CTNND1: variants seen among roughly 807,000 people sequenced by gnomAD.
The protein encoded by CTNND1 is catenin delta 1.
In CTNND1, 16 loss-of-function variants were observed where a neutral mutation model predicts 112.1. The ratio of observed to expected loss-of-function variants is 0.14; its 90% CI spans 0.10 to 0.22. The LOEUF is 0.22. Ranked by LOEUF, CTNND1 falls within the 10% of genes least tolerant of loss-of-function variation. CTNND1 has a pLI of 1.00. For synonymous variants in CTNND1, 420 were observed against 446.5 expected (o/e 0.94, Z 0.75); for missense variants, 1,008 against 1,257.0 (o/e 0.80, Z 3.00).
chr11:57,764,700 A>G lies in CTNND1; in HGVS notation c.-214+2581A>G, dbSNP rs555753032. 4.6e-5 allele frequency among the ~76,000 whole-genome samples: 7 copies of G among 152,134 alleles called. No individual in the cohort carries two copies. In the South Asian group the frequency reaches 1.5e-3, roughly 32 times the overall value. ...TCAGAGAAGCTGAGGTTTGGTGAAAATCTCACTGCCTGTAAATGGTTGAGG... is the reference window on the plus strand; with the variant it reads ...TCAGAGAAGCTGAGGTTTGGTGAAAGTCTCACTGCCTGTAAATGGTTGAGG... On this transcript the variant is annotated intron_variant, in intron 1 of 20. Transcript: ENST00000399050.
At chr11:57,784,005 G>C (rs1484135830) in intron 1 of CTNND1, among the ~76,000 whole-genome samples, 1 of 151,806 alleles carries the variant, frequency 6.6e-6, no homozygotes, top group South Asian at 2.1e-4. Context: ...CTGTGGTCTG[G>C]ACCTCCTAGA....
At chr11:57,799,507 A>G (rs1397665875) in intron 6 of CTNND1, among the ~76,000 whole-genome samples, 2 of 152,204 alleles carry the variant, frequency 1.3e-5, no homozygotes, top group East Asian at 3.8e-4. Flanking sequence ...AGAGTAATAC[A>G]AGGTCAAACT....
intron 4 of CTNND1, among the ~76,000 whole-genome samples, chr11:57,794,785 CAAA>C (rs777103502): frequency 2.5e-5 from 2 of 81,184 alleles, no homozygotes; most frequent in Non-Finnish European, 2.5e-5. Context: ...AACTCTGTCT[CAAA>C]AAAAAAAAAA....
intron 2 of CTNND1, 77 bp downstream of exon 2, chr11:57,789,232 C>A: frequency 9.5e-7 from 1 of 1,053,282 alleles, no homozygotes; most frequent in South Asian, 2.0e-5. Flanking sequence ...CCTTTCATGT[C>A]ATAGCAGAAA....
chr11:57,801,638 G>A (rs2062033247), intron 6 of CTNND1, 95 bp from the exon 7 acceptor site: 3 of 1,008,432 alleles, frequency 3.0e-6, no homozygotes, highest in South Asian at 3.2e-5. Flanking sequence ...TGAAACTCCA[G>A]TTAATCCTCC....
chr11:57,783,398 G>T (rs866560685), intron 1 of CTNND1, among the ~76,000 whole-genome samples: 1 of 152,162 alleles, frequency 6.6e-6, no homozygotes, highest in Admixed American at 6.5e-5. Flanking sequence ...CCGGGCTCAC[G>T]CCTGTAATCC....
chr11:57,793,975 CA>C (rs1428431275), intron 3 of CTNND1, 34 bp from the exon 4 acceptor site: 1 of 1,609,508 alleles, frequency 6.2e-7, no homozygotes, highest in Non-Finnish European at 8.5e-7. Flanking sequence ...AAGAAGGCCA[CA>C]AAATGAATTG....
Position 57,789,170 on chromosome 11 carries a change from A to C in CTNND1, c.-95+15A>C. On this transcript the variant is annotated intron_variant, in intron 2 of 20. Coordinates refer to ENST00000399050, the MANE Select transcript of CTNND1 (RefSeq NM_001085458.2). ...TCTCTTAACAGGTGTGTATGGAAAT[A>C]TGTTTATTAAGAAGGAAAAATCTTA... is the stretch of plus-strand genomic sequence containing the variant. The C allele has an allele frequency of 7.1e-7, 1 of 1,411,336 alleles. No individual in the cohort carries two copies. 87.4% of individuals were successfully genotyped at this position (1,411,336 alleles called of 1,614,324 possible).
At chr11:57,784,886 A>C (rs2059973150) in intron 1 of CTNND1, among the ~76,000 whole-genome samples, 1 of 152,168 alleles carries the variant, frequency 6.6e-6, no homozygotes, top group Non-Finnish European at 1.5e-5. Context: ...TGAAGACAAA[A>C]TTATTTTTGC....
At chr11:57,779,931 G>T (rs2059392847) in intron 1 of CTNND1, among the ~76,000 whole-genome samples, 1 of 151,920 alleles carries the variant, frequency 6.6e-6, no homozygotes, top group African/African-American at 2.4e-5. Context: ...GTAAGGTTTT[G>T]TTCTTTAAAG....
chr11:57,767,602 G>A (rs923838423), intron 1 of CTNND1, among the ~76,000 whole-genome samples: 1 of 151,904 alleles, frequency 6.6e-6, no homozygotes, highest in South Asian at 2.1e-4. Context: ...AGACTGCCAC[G>A]GAGGAAACAT....
chr11:57,802,231 G>T, intron 7 of CTNND1, 35 bp downstream of exon 7: 3 of 1,538,792 alleles, frequency 1.9e-6, no homozygotes, highest in Non-Finnish European at 2.7e-6. Flanking sequence ...TGCTAAGTCA[G>T]TGTTACTCTC....
At position 57,803,905 on chromosome 11, in the gene CTNND1, G is replaced by T. The variant is rs570100932; in HGVS notation, c.1604+101G>T. The T allele has an allele frequency of 5.4e-6, 5 of 933,314 alleles. No individual in the cohort carries two copies. In the South Asian group the frequency reaches 7.7e-5, roughly 14 times the overall value. 57.8% of individuals were successfully genotyped at this position (933,314 alleles called of 1,614,324 possible). On this transcript the variant is annotated intron_variant, in intron 8 of 20. Transcript: ENST00000399050. Reference sequence around the variant, plus strand: ...TTAAAATTCTTTAGCCTATTCTTTAGCCTCCATTCCTATCTGTATTGCATA... The same window carrying T: ...TTAAAATTCTTTAGCCTATTCTTTATCCTCCATTCCTATCTGTATTGCATA...
chr11:57,784,357 T>C (rs990441087), intron 1 of CTNND1, among the ~76,000 whole-genome samples: 1 of 149,564 alleles, frequency 6.7e-6, no homozygotes, highest in Non-Finnish European at 1.5e-5. Flanking sequence ...TGTAGTGAGC[T>C]GTGATCACAC....
Position 57,808,237 on chromosome 11 carries a change from C to T in CTNND1, c.2036C>T (p.Ala679Val), listed in dbSNP as rs769699844. 7.4e-6 allele frequency: 12 copies of T among 1,613,790 alleles called. No homozygotes were observed. Among genetic ancestry groups the T allele is most frequent in the South Asian group, 4.4e-5 (4 of 91,086 alleles). The change falls in exon 13 of 21, where the codon GCC becomes GTC. Residue 679 changes from alanine (A) to valine (V), a missense_variant. Around this residue, in one of 5 missense-constraint regions of CTNND1, gnomAD observed 254 missense variants for 279.5 expected, o/e 0.91. Coordinates refer to ENST00000399050, the MANE Select transcript of CTNND1 (RefSeq NM_001085458.2). ...ISLLKESKTP[A>V]ILEASAGAIQ... is the part of the protein sequence containing the mutation. ...CTTCTTAAGGAGAGCAAGACTCCTG[C>T]CATCCTAGAAGCCTCAGCTGGAGCT...
At position 57,810,139 on chromosome 11, in the gene CTNND1, A is replaced by C. The variant is rs1480247990; in HGVS notation, c.2466A>C (p.Ala822=). 1 of 1,612,240 alleles carries C rather than the reference A, an allele frequency of 6.2e-7. No homozygotes were observed. The highest frequency in any genetic ancestry group is 8.5e-7 in the Non-Finnish European group (1 of 1,179,396). Residue 822 remains alanine (A), a synonymous_variant, in exon 16 of 21, where the codon GCA becomes GCC. Transcript: ENST00000399050. ...GCTCAGAAAAAGAAGTTCGAGCAGC[A>C]GCACTTGTATTACAGACAATCTGGG... The part of the protein sequence containing the change: ...GNRSEKEVRA[A]ALVLQTIWGY...
At chr11:57,781,343 G>A (rs2059560973) in intron 1 of CTNND1, among the ~76,000 whole-genome samples, 1 of 152,102 alleles carries the variant, frequency 6.6e-6, no homozygotes, top group Non-Finnish European at 1.5e-5. Context: ...TCCGAGTCTA[G>A]GGTATGGAAG....
intron 1 of CTNND1, among the ~76,000 whole-genome samples, chr11:57,783,676 A>G (rs998909375): frequency 9.9e-5 from 15 of 151,912 alleles, no homozygotes; most frequent in Admixed American, 3.9e-4. Flanking sequence ...AAAAAAAGCC[A>G]TAGAAAATCT....
At chr11:57,764,326 C>T (rs1950569001) in intron 1 of CTNND1, among the ~76,000 whole-genome samples, 1 of 152,032 alleles carries the variant, frequency 6.6e-6, no homozygotes, top group African/African-American at 2.4e-5. Flanking sequence ...CCAACATGTT[C>T]TCTGAGCTAG....
Sources: gnomAD v4.1 joint callset for allele counts (sites outside exome capture counted in the v4.1 genomes callset) on GRCh38, gnomAD v4.1.1 for gene constraint, gnomAD v4.1.1 regional missense constraint, MANE v1.5 for transcripts, NCBI Gene and HGNC (gene_info 2026-07-23, HGNC 2026-07-21) for gene names.